The following COG5 variants were observed in gnomAD, a reference collection of about 807,000 sequenced individuals.
COG5 encodes component of oligomeric golgi complex 5.
COG5 carries 86 observed loss-of-function variants against 110.4 expected under a neutral mutation model. That is an observed-to-expected ratio of 0.78 (90% CI 0.65 to 0.93). The LOEUF (loss-of-function observed/expected upper bound fraction) is 0.93, where lower values mean the gene tolerates loss of function less well. Ranked by LOEUF, COG5 falls within the 40% of genes least tolerant of loss-of-function variation. The probability of loss-of-function intolerance (pLI) is 0.00; values close to 1 mark genes in which losing one functional copy is unlikely to be tolerated. For synonymous variants in COG5, 360 were observed against 334.6 expected (o/e 1.08, Z -0.83); for missense variants, 1,077 against 987.0 (o/e 1.09, Z -1.22).
intron 11 of COG5, among the ~76,000 whole-genome samples, chr7:107,313,692 A>G (rs1808477779): frequency 2.0e-5 from 3 of 151,990 alleles, no homozygotes; most frequent in Non-Finnish European, 4.4e-5. Context: ...CCATTATCAC[A>G]TATCCTCCTC....
chr7:107,533,034 G>A (rs959903837), intron 5 of COG5, among the ~76,000 whole-genome samples: 10 of 151,776 alleles, frequency 6.6e-5, no homozygotes, highest in Admixed American at 6.6e-4. Context: ...CAAGGACACA[G>A]GGTCTGGAGT....
chr7:107,519,410 A>G (rs1463876048), intron 6 of COG5, among the ~76,000 whole-genome samples: 2 of 151,968 alleles, frequency 1.3e-5, no homozygotes, highest in African/African-American at 4.8e-5. Flanking sequence ...CTAGACTAAT[A>G]AAGAAAAGAG....
chr7:107,386,475 C>A (rs1019816721), intron 7 of COG5, among the ~76,000 whole-genome samples: 2 of 152,060 alleles, frequency 1.3e-5, no homozygotes, highest in Non-Finnish European at 2.9e-5. Context: ...GGAAGCACGA[C>A]GGACCGCCGA....
chr7:107,494,968 T>C (rs1468819635), intron 6 of COG5, among the ~76,000 whole-genome samples: 2 of 151,838 alleles, frequency 1.3e-5, no homozygotes, highest in Non-Finnish European at 2.9e-5. Context: ...CAAGACCAAA[T>C]CCCCGCCTTA....
chr7:107,498,772 G>A (rs1026291959), intron 6 of COG5, among the ~76,000 whole-genome samples: 6 of 152,090 alleles, frequency 3.9e-5, no homozygotes, highest in African/African-American at 9.7e-5. Context: ...ATTACTATAC[G>A]ATCCAGCAGT....
At chr7:107,412,251 C>T (rs960678565) in intron 7 of COG5, among the ~76,000 whole-genome samples, 1 of 152,004 alleles carries the variant, frequency 6.6e-6, no homozygotes, top group Non-Finnish European at 1.5e-5. Context: ...TATATATGCA[C>T]ATCATAAAAA....
In COG5 at chr7:107,201,672, T is replaced by C; in HGVS notation, c.*1844A>G. 1 of 398,104 alleles carries C rather than the reference T, an allele frequency of 2.5e-6. No individual in the cohort carries two copies. Among genetic ancestry groups the C allele is most frequent in the South Asian group, 6.9e-5 (1 of 14,414 alleles). 24.7% of individuals were successfully genotyped at this position (398,104 alleles called of 1,614,324 possible). A position where few individuals can be genotyped will look rare whatever the true frequency, so the allele number is the denominator to read the frequency against. The stretch of plus-strand genomic sequence containing the variant: ...CCTTATTTTTCTTCCAAACTTCATA[T>C]ATGTCTATCAGGTAATAATAGGCTT... On this transcript the variant is annotated 3_prime_UTR_variant, in exon 22 of 22. Transcript: ENST00000297135.
chr7:107,398,352 C>T (rs533595903), intron 7 of COG5, among the ~76,000 whole-genome samples: 1 of 152,308 alleles, frequency 6.6e-6, no homozygotes, highest in East Asian at 1.9e-4. Context: ...GAGTCGGTGG[C>T]TGTTAGGAAC....
At chr7:107,509,118 G>A (rs975176362) in intron 6 of COG5, among the ~76,000 whole-genome samples, 6 of 152,000 alleles carry the variant, frequency 3.9e-5, no homozygotes, top group South Asian at 2.1e-4. Context: ...GAGAAAGTTC[G>A]AACCAATGGC....
intron 11 of COG5, among the ~76,000 whole-genome samples, chr7:107,312,958 C>T (rs771937086): frequency 5.9e-5 from 9 of 152,062 alleles, no homozygotes; most frequent in Admixed American, 3.3e-4. Context: ...CTGAGTTCTG[C>T]GATTGTGAGG....
At chr7:107,542,971 CAAAA>C (rs10706886) in intron 5 of COG5, among the ~76,000 whole-genome samples, 4 of 120,158 alleles carry the variant, frequency 3.3e-5, no homozygotes, top group Non-Finnish European at 3.5e-5. Flanking sequence ...AACTCTGTCT[CAAAA>C]AAAAAAAAAA....
At chr7:107,233,629 G>A (rs1800936245) in intron 18 of COG5, among the ~76,000 whole-genome samples, 1 of 152,152 alleles carries the variant, frequency 6.6e-6, no homozygotes, top group Non-Finnish European at 1.5e-5. Context: ...TGTTATTTAT[G>A]CTAGAATGGC....
chr7:107,380,026 G>A (rs1181978154), intron 7 of COG5, among the ~76,000 whole-genome samples: 3 of 152,222 alleles, frequency 2.0e-5, no homozygotes, highest in Non-Finnish European at 2.9e-5. Context: ...ATAATTGGAA[G>A]TAAAACACTG....
At chr7:107,544,055 C>T (rs1802243990) in intron 5 of COG5, among the ~76,000 whole-genome samples, 2 of 152,284 alleles carry the variant, frequency 1.3e-5, no homozygotes, top group South Asian at 4.1e-4. Context: ...CCTCATGGCT[C>T]CAGGCACAAA....
Position 107,256,739 on chromosome 7 carries a change from G to A in COG5, c.1742C>T (p.Ala581Val), listed in dbSNP as rs777290787. 1.9e-5 allele frequency: 31 copies of A among 1,607,360 alleles called. No individual in the cohort carries two copies. The highest frequency in any genetic ancestry group is 2.1e-5 in the Non-Finnish European group (25 of 1,175,028). Reference sequence around the variant, plus strand: ...AAGATTAAATTCTTTTACCTTTAGAGCTGAAATTATAGTTTGCTCAGCTGC... The same window carrying A: ...AAGATTAAATTCTTTTACCTTTAGAACTGAAATTATAGTTTGCTCAGCTGC... ...PLAAEQTIIS[A>V]LKAIHALMEN... The change falls in exon 16 of 22, where the codon GCT becomes GTT. Residue 581 changes from alanine to valine, a missense_variant. Physicochemically the swap from Ala to Val is moderately conservative, Grantham distance 64. Coordinates refer to ENST00000297135, the MANE Select transcript of COG5 (RefSeq NM_006348.5).
chr7:107,491,163 A>T (rs1797952579), intron 6 of COG5, among the ~76,000 whole-genome samples: 1 of 152,156 alleles, frequency 6.6e-6, no homozygotes, highest in African/African-American at 2.4e-5. Flanking sequence ...CATCAAAAAC[A>T]ACAGCATACA....
At chr7:107,227,695 T>G (rs1355719078) in intron 19 of COG5, among the ~76,000 whole-genome samples, 3 of 151,790 alleles carry the variant, frequency 2.0e-5, no homozygotes, top group African/African-American at 7.3e-5. Context: ...TAGCACTATT[T>G]TTTTTTGGGG....
At chr7:107,431,443 AG>A (rs1204215647) in intron 6 of COG5, among the ~76,000 whole-genome samples, 1 of 152,188 alleles carries the variant, frequency 6.6e-6, no homozygotes, top group African/African-American at 2.4e-5. Flanking sequence ...GTTATGGGTA[AG>A]GGGTGTTTAT....
At chr7:107,295,032 CACAT>C (rs1383041301) in intron 12 of COG5, among the ~76,000 whole-genome samples, 1 of 92,826 alleles carries the variant, frequency 1.1e-5, no homozygotes, top group Non-Finnish European at 2.3e-5. Flanking sequence ...TATATACACA[CACAT>C]ATACACACAC....
Sources: gnomAD v4.1 joint callset for allele counts (sites outside exome capture counted in the v4.1 genomes callset) on GRCh38, gnomAD v4.1.1 for gene constraint, MANE v1.5 for transcripts, NCBI Gene and HGNC (gene_info 2026-07-23, HGNC 2026-07-21) for gene names.